Variants in RAPGEF4 observed in about 807,000 individuals in gnomAD.
RAPGEF4 encodes Rap guanine nucleotide exchange factor 4, also known as RAP guanine-nucleotide-exchange factor (GEF) 4.
Under a neutral mutation model 147.9 loss-of-function variants are expected in RAPGEF4, and 66 were observed. That is an observed-to-expected ratio of 0.45 (90% CI 0.37 to 0.55). The LOEUF (loss-of-function observed/expected upper bound fraction) is 0.55. Ranked by LOEUF, RAPGEF4 falls within the 20% of genes least tolerant of loss-of-function variation. The pLI, the probability that RAPGEF4 is intolerant of heterozygous loss-of-function variation, is 0.00. For missense variants in RAPGEF4, 1,071 were observed against 1,257.3 expected (o/e 0.85, Z 2.24); for synonymous variants, 419 against 442.7 (o/e 0.95, Z 0.67).
intron 30 of RAPGEF4, among the ~76,000 whole-genome samples, chr2:173,049,874 A>G (rs1214154629): frequency 1.3e-5 from 2 of 152,226 alleles, no homozygotes; most frequent in Non-Finnish European, 2.9e-5. Flanking sequence ...ACAAGTGGAA[A>G]CAAGAATAGA....
chr2:172,923,212 G>C (rs1390900126), intron 6 of RAPGEF4, among the ~76,000 whole-genome samples: 3 of 152,186 alleles, frequency 2.0e-5, no homozygotes, highest in Non-Finnish European at 2.9e-5. Flanking sequence ...TAAAAGGACT[G>C]GTTGGGAATT....
intron 4 of RAPGEF4, among the ~76,000 whole-genome samples, chr2:172,818,672 T>A (rs56212232): frequency 0.12 from 18,938 of 152,198 alleles, 1,258 homozygotes; most frequent in South Asian, 0.18. Context: ...CAGGATTCTG[T>A]GTTGCTTCTA....
intron 6 of RAPGEF4, among the ~76,000 whole-genome samples, chr2:172,937,014 A>G (rs573006674): frequency 1.4e-5 from 2 of 143,220 alleles, no homozygotes; most frequent in Non-Finnish European, 3.0e-5. Context: ...AGACTGGGCA[A>G]CACAGTGAGA....
At chr2:172,766,557 C>G (rs1229597571) in intron 1 of RAPGEF4, among the ~76,000 whole-genome samples, 2 of 151,982 alleles carry the variant, frequency 1.3e-5, no homozygotes, top group Non-Finnish European at 2.9e-5. Context: ...AAAAATTACA[C>G]AATTTGGTAC....
chr2:173,030,769 C>G (rs1015610623), intron 26 of RAPGEF4, among the ~76,000 whole-genome samples: 3 of 152,156 alleles, frequency 2.0e-5, no homozygotes, highest in Admixed American at 6.5e-5. Flanking sequence ...CTTCTCTCCA[C>G]GGAGAGGAAC....
chr2:172,777,678 G>A (rs1684307929), intron 1 of RAPGEF4, among the ~76,000 whole-genome samples: 1 of 152,040 alleles, frequency 6.6e-6, no homozygotes, highest in Admixed American at 6.6e-5. Context: ...CCTGAATTCT[G>A]ATTGCTGCCT....
intron 23 of RAPGEF4, among the ~76,000 whole-genome samples, chr2:173,025,847 A>G (rs1696611303): frequency 6.6e-6 from 1 of 152,232 alleles, no homozygotes; most frequent in Non-Finnish European, 1.5e-5. Flanking sequence ...TCATCTCACT[A>G]AGTAAAAACA....
chr2:172,832,633 C>G (rs1690486214), intron 4 of RAPGEF4, among the ~76,000 whole-genome samples: 1 of 152,114 alleles, frequency 6.6e-6, no homozygotes, highest in Non-Finnish European at 1.5e-5. Flanking sequence ...TTTGAACTTC[C>G]TAGCTCGGAC....
At chr2:172,755,676 G>A (rs1000048674) in intron 1 of RAPGEF4, among the ~76,000 whole-genome samples, 8 of 152,170 alleles carry the variant, frequency 5.3e-5, no homozygotes, top group East Asian at 1.9e-4. Context: ...GATTACAGGC[G>A]TGAGCTACTG....
At chr2:173,000,173 C>T (rs932778491) in intron 16 of RAPGEF4, among the ~76,000 whole-genome samples, 7 of 152,116 alleles carry the variant, frequency 4.6e-5, no homozygotes, top group Admixed American at 2.6e-4. Flanking sequence ...CTCAGTATAA[C>T]GGGACTGAAG....
At chr2:172,970,180 C>CA (rs1245471248) in intron 10 of RAPGEF4, among the ~76,000 whole-genome samples, 1 of 117,560 alleles carries the variant, frequency 8.5e-6, no homozygotes, top group Non-Finnish European at 1.9e-5. Context: ...CACACACACA[C>CA]CCTTTTTTTT....
intron 1 of RAPGEF4, among the ~76,000 whole-genome samples, chr2:172,772,102 G>A (rs868251193): frequency 6.6e-6 from 1 of 151,952 alleles, no homozygotes; most frequent in Non-Finnish European, 1.5e-5. Flanking sequence ...AGCTGGGTGT[G>A]GTGGCATACG....
intron 6 of RAPGEF4, among the ~76,000 whole-genome samples, chr2:172,931,750 C>T (rs1373379583): frequency 1.3e-5 from 2 of 152,188 alleles, no homozygotes; most frequent in Admixed American, 6.5e-5. Flanking sequence ...CAGCAGCCCA[C>T]CCAGGACCTG....
At chr2:172,943,852 C>T (rs1262926430) in intron 6 of RAPGEF4, among the ~76,000 whole-genome samples, 1 of 152,126 alleles carries the variant, frequency 6.6e-6, no homozygotes, top group East Asian at 1.9e-4. Flanking sequence ...CATAAAGGTT[C>T]CCACATGCTT....
chr2:172,859,984 TG>T, intron 4 of RAPGEF4: 1 of 972,936 alleles, frequency 1.0e-6, no homozygotes, highest in Non-Finnish European at 1.2e-6. Context: ...AATTGTTTCA[TG>T]GAAAACAGGG....
chr2:172,803,607 T>TGG (rs1231593227), intron 3 of RAPGEF4, among the ~76,000 whole-genome samples: 1 of 152,210 alleles, frequency 6.6e-6, no homozygotes, highest in Non-Finnish European at 1.5e-5. Context: ...CCCATTGTCT[T>TGG]GGGGAGTACA....
intron 4 of RAPGEF4, among the ~76,000 whole-genome samples, chr2:172,897,914 T>C (rs2149942121): frequency 6.6e-6 from 1 of 151,954 alleles, no homozygotes; most frequent in Non-Finnish European, 1.5e-5. Context: ...AAGCTCCAGA[T>C]GAGATGCCTG....
intron 1 of RAPGEF4, among the ~76,000 whole-genome samples, chr2:172,767,502 A>G (rs959252444): frequency 2.0e-5 from 3 of 152,184 alleles, no homozygotes; most frequent in African/African-American, 7.2e-5. Flanking sequence ...TTAAAAAAAC[A>G]TATAAACATA....
At chr2:172,996,754 C>A (rs1444522138) in intron 16 of RAPGEF4, among the ~76,000 whole-genome samples, 200 bp downstream of exon 16, 1 of 152,170 alleles carries the variant, frequency 6.6e-6, no homozygotes, top group East Asian at 1.9e-4. Context: ...CCTGACTGTT[C>A]TCTAGAAATG....
Sources: gnomAD v4.1 joint callset for allele counts (sites outside exome capture counted in the v4.1 genomes callset) on GRCh38, gnomAD v4.1.1 for gene constraint, MANE v1.5 for transcripts, NCBI Gene and HGNC (gene_info 2026-07-23, HGNC 2026-07-21) for gene names.